Variants in CLPTM1 observed in about 807,000 individuals in gnomAD.
The protein encoded by CLPTM1 is putative lipid scramblase CLPTM1.
In CLPTM1, 21 loss-of-function variants were observed where a neutral mutation model predicts 77.3. The observed-to-expected ratio is 0.27, with a 90% CI of 0.19 to 0.39. The LOEUF (loss-of-function observed/expected upper bound fraction) is 0.39. CLPTM1 is among the 10% of genes least tolerant of loss of function. The probability of loss-of-function intolerance (pLI) is 1.00; values close to 1 mark genes in which losing one functional copy is unlikely to be tolerated. For missense variants in CLPTM1, 642 were observed against 921.2 expected (o/e 0.70, Z 3.92); for synonymous variants, 373 against 381.0 (o/e 0.98, Z 0.24).
chr19:44,983,358 C>G (rs957016898), intron 5 of CLPTM1, among the ~76,000 whole-genome samples: 1 of 152,048 alleles, frequency 6.6e-6, no homozygotes, highest in Non-Finnish European at 1.5e-5. Flanking sequence ...CAGTGGCTCA[C>G]GCCTGTCATC....
At chr19:44,980,573 T>C (rs1970880104) in intron 5 of CLPTM1, among the ~76,000 whole-genome samples, 1 of 150,504 alleles carries the variant, frequency 6.6e-6, no homozygotes, top group South Asian at 2.1e-4. Context: ...TAATCAGTAT[T>C]CTAGAGCAGC....
Position 44,992,411 on chromosome 19 carries a change from G to A in CLPTM1, c.1723+11G>A, listed in dbSNP as rs754257965. The A allele has an allele frequency of 1.9e-6, 3 of 1,613,906 alleles. No homozygotes were observed. The highest frequency in any genetic ancestry group is 3.3e-5 in the Admixed American group (2 of 60,012). The stretch of plus-strand genomic sequence containing the variant: ...GCTGCCTGCGGGACGGTGAGGCCCG[G>A]TGGGCAGGTGGGAGCTCCCACCGGA... On this transcript the variant is annotated intron_variant, in intron 13 of 13. Transcript: ENST00000337392. This position sits in a 1 kb window ranked among gnomAD's most constrained non-coding sequence, Gnocchi z 7.7.
At chr19:44,989,136 A>G (rs1712183510) in intron 9 of CLPTM1, among the ~76,000 whole-genome samples, 1 of 152,168 alleles carries the variant, frequency 6.6e-6, no homozygotes, top group Admixed American at 6.5e-5. Context: ...ACTGAACTCC[A>G]TCCTAGGCAA....
intron 9 of CLPTM1, among the ~76,000 whole-genome samples, chr19:44,989,513 TG>T (rs1971035471): frequency 8.0e-6 from 1 of 125,628 alleles, no homozygotes; most frequent in Non-Finnish European, 1.7e-5. Context: ...GTCATTCTGA[TG>T]GGCAGGGGTG....
chr19:44,990,836 C>T lies in CLPTM1; in HGVS notation c.1324-14C>T. The T allele has an allele frequency of 1.2e-6, 2 of 1,606,206 alleles. No individual in the cohort carries two copies. Among genetic ancestry groups the T allele is most frequent in the Non-Finnish European group, 1.7e-6 (2 of 1,173,278 alleles). ...CAGCGTAGCAACTGACCATGGCACC[C>T]ACCTCATCCACAGCTGGACCGAGAG... On this transcript the variant is annotated splice_polypyrimidine_tract_variant and intron_variant, in intron 10 of 13. Transcript: ENST00000337392. This position sits in a 1 kb window ranked among gnomAD's most constrained non-coding sequence, Gnocchi z 4.8.
intron 2 of CLPTM1, 94 bp downstream of exon 2, chr19:44,962,169 C>A: frequency 1.5e-6 from 1 of 683,852 alleles, no homozygotes; most frequent in Non-Finnish European, 2.4e-6. Flanking sequence ...GGATGGTGAT[C>A]ATTACTGTAT....
chr19:44,970,528 T>A (rs1970701522), intron 2 of CLPTM1, among the ~76,000 whole-genome samples: 1 of 143,850 alleles, frequency 7.0e-6, no homozygotes, highest in Non-Finnish European at 1.5e-5. Flanking sequence ...GCCTCCTGAG[T>A]AGCTGGGAAT....
Position 44,986,348 on chromosome 19 carries a change from C to T in CLPTM1, c.673-107C>T. 3 of 1,421,698 alleles carry T rather than the reference C, an allele frequency of 2.1e-6. No individual in the cohort carries two copies. The South Asian group carries it at 4.1e-5, about 19-fold the overall frequency. 88.1% of individuals were successfully genotyped at this position (1,421,698 alleles called of 1,614,324 possible). ...ACCCCATCTCAGAAAAAAAAGAAAG[C>T]AAAGATTAAGATTTTCTCGGGAACC... On this transcript the variant is annotated intron_variant, in intron 6 of 13. Transcript: ENST00000337392.
At position 44,987,110 on chromosome 19, in the gene CLPTM1, C is replaced by T. The variant is rs1970990539; in HGVS notation, c.794-69C>T. 7.1e-6 allele frequency: 11 copies of T among 1,553,980 alleles called. No individual in the cohort carries two copies. The South Asian group carries it at 1.2e-4, about 17-fold the overall frequency. ...AGGGGCCCTGTTGGGTCTCTCCAGA[C>T]ATCTGAGGCCTGCGGGTACCCTGGC... is the stretch of plus-strand genomic sequence containing the variant. On this transcript the variant is annotated intron_variant, in intron 7 of 13. Transcript: ENST00000337392.
At chr19:44,974,678 G>A in intron 4 of CLPTM1, 81 bp downstream of exon 4, 1 of 1,518,248 alleles carries the variant, frequency 6.6e-7, no homozygotes, top group South Asian at 1.2e-5. Context: ...GCTCCTTGCT[G>A]AGAGCATGTG....
At chr19:44,968,753 G>C (rs895231359) in intron 2 of CLPTM1, among the ~76,000 whole-genome samples, 16 of 152,140 alleles carry the variant, frequency 1.1e-4, no homozygotes, top group Non-Finnish European at 1.5e-5. Flanking sequence ...CTAAGCCAGG[G>C]GCAGAGCTGC....
intron 3 of CLPTM1, 132 bp downstream of exon 3, chr19:44,973,342 G>A (rs1039482261): frequency 8.2e-7 from 1 of 1,223,752 alleles, no homozygotes; most frequent in African/African-American, 1.5e-5. Flanking sequence ...CAGGTCCAGG[G>A]TTGAGGAACT....
chr19:44,971,551 A>C (rs1970717886), intron 2 of CLPTM1, among the ~76,000 whole-genome samples: 1 of 152,042 alleles, frequency 6.6e-6, no homozygotes, highest in East Asian at 1.9e-4. Flanking sequence ...TTTTTTAAAA[A>C]ATTTAATTAA....
intron 2 of CLPTM1, among the ~76,000 whole-genome samples, chr19:44,968,704 C>T (rs1970672267): frequency 6.6e-6 from 1 of 152,154 alleles, no homozygotes; most frequent in African/African-American, 2.4e-5. Flanking sequence ...ACATGGGGAT[C>T]TAGAAGCCCA....
chr19:44,961,399 C>T (rs992447348), intron 1 of CLPTM1, among the ~76,000 whole-genome samples: 2 of 152,172 alleles, frequency 1.3e-5, no homozygotes, highest in Admixed American at 1.3e-4. Flanking sequence ...GAATCTGGCA[C>T]CTGCCATAAG....
chr19:44,981,007 G>T (rs1357840685), intron 5 of CLPTM1, among the ~76,000 whole-genome samples: 3 of 151,386 alleles, frequency 2.0e-5, no homozygotes, highest in South Asian at 2.1e-4. Context: ...CCGGCTAATG[G>T]TTTTTTTGTA....
In CLPTM1 at chr19:44,962,001, G is replaced by A. The variant is rs374367654; in HGVS notation, c.111G>A (p.Ala37=). Residue 37 remains alanine (A), a synonymous_variant, in exon 2 of 14, where the codon GCG becomes GCA. Coordinates refer to ENST00000337392, the MANE Select transcript of CLPTM1 (RefSeq NM_001294.4). The part of the protein sequence containing the change: ...SNGSIGRDPP[A]ETQPQNPPAQ... ...GCAGCATCGGGAGGGACCCGCCAGC[G>A]GAGACCCAGCCTCAGAACCCACCGG... 191 of 1,610,148 alleles carry A rather than the reference G, an allele frequency of 1.2e-4. 1 individual carries two copies. The Middle Eastern group carries it at 1.8e-3, about 15-fold the overall frequency.
chr19:44,982,724 C>A (rs1427111058), intron 5 of CLPTM1, among the ~76,000 whole-genome samples: 1 of 152,194 alleles, frequency 6.6e-6, no homozygotes, highest in Non-Finnish European at 1.5e-5. Flanking sequence ...GTGTTGGTTT[C>A]TCCCCCTGGA....
At chr19:44,962,675 A>G (rs1190068729) in intron 2 of CLPTM1, among the ~76,000 whole-genome samples, 1 of 152,078 alleles carries the variant, frequency 6.6e-6, no homozygotes, top group Non-Finnish European at 1.5e-5. Context: ...CACCCTCATA[A>G]TCCCAGCATT....
Sources: allele counts gnomAD v4.1 joint callset (sites outside exome capture counted in the v4.1 genomes callset), GRCh38; gene constraint gnomAD v4.1.1; non-coding constraint Gnocchi (gnomAD v3.1); transcripts MANE v1.5; gene names NCBI Gene and HGNC (gene_info 2026-07-23, HGNC 2026-07-21).